Variants in NDUFA9 observed in about 807,000 individuals in gnomAD.
NDUFA9 encodes the protein NADH dehydrogenase [ubiquinone] 1 alpha subcomplex subunit 9, mitochondrial.
NDUFA9 carries 23 observed loss-of-function variants against 45.9 expected under a neutral mutation model. That is an observed-to-expected ratio of 0.50 (90% CI 0.36 to 0.71). The LOEUF (loss-of-function observed/expected upper bound fraction) is 0.71. Among genes scored for constraint, NDUFA9 ranks in the 30% least tolerant of loss-of-function variants. The pLI, the probability that NDUFA9 is intolerant of heterozygous loss-of-function variation, is 0.00. For synonymous variants in NDUFA9, 176 were observed against 170.5 expected (o/e 1.03, Z -0.25); for missense variants, 466 against 488.2 (o/e 0.95, Z 0.43).
chr12:4,652,015 C>T (rs760457386), intron 1 of NDUFA9, among the ~76,000 whole-genome samples: 2 of 152,102 alleles, frequency 1.3e-5, no homozygotes, highest in Non-Finnish European at 2.9e-5. Context: ...CTTAACATAG[C>T]GAGTTTCCTA....
chr12:4,675,011 C>T (rs1945910400), intron 8 of NDUFA9, among the ~76,000 whole-genome samples: 1 of 152,220 alleles, frequency 6.6e-6, no homozygotes, highest in Admixed American at 6.5e-5. Context: ...GATTAAGAAA[C>T]TCACTCAAAA....
chr12:4,664,443 A>G (rs1362088292), intron 6 of NDUFA9, among the ~76,000 whole-genome samples: 1 of 152,240 alleles, frequency 6.6e-6, no homozygotes, highest in African/African-American at 2.4e-5. Context: ...ATTCTTCAAG[A>G]AAAGGGAAGA....
intron 3 of NDUFA9, among the ~76,000 whole-genome samples, chr12:4,656,590 T>C (rs985531686): frequency 6.6e-6 from 1 of 152,232 alleles, no homozygotes; most frequent in Non-Finnish European, 1.5e-5. Flanking sequence ...TTTCCCCGCT[T>C]TAGTCTTTGT....
intron 1 of NDUFA9, among the ~76,000 whole-genome samples, chr12:4,650,457 G>A (rs1056306636): frequency 2.0e-5 from 3 of 152,262 alleles, no homozygotes; most frequent in Middle Eastern, 3.4e-3. Context: ...CCAGTTCTAG[G>A]TATTTTTATT....
intron 6 of NDUFA9, among the ~76,000 whole-genome samples, chr12:4,667,821 C>G (rs1208671120): frequency 7.2e-6 from 1 of 138,802 alleles, no homozygotes; most frequent in Non-Finnish European, 1.6e-5. Context: ...AATTTCTACT[C>G]TTAAATGGTT....
intron 7 of NDUFA9, 63 bp from the exon 8 acceptor site, chr12:4,669,678 C>A: frequency 9.4e-7 from 1 of 1,062,700 alleles, no homozygotes; most frequent in Non-Finnish European, 1.4e-6. Context: ...CTTTCTATCT[C>A]TCCATCTCCC....
chr12:4,686,433 T>C (rs1945987198), intron 10 of NDUFA9, among the ~76,000 whole-genome samples: 1 of 151,976 alleles, frequency 6.6e-6, no homozygotes. Flanking sequence ...TGTTTTTTTT[T>C]TTTTTTAATG....
chr12:4,658,950 C>T, intron 4 of NDUFA9, 86 bp from the exon 5 acceptor site: 1 of 1,337,798 alleles, frequency 7.5e-7, no homozygotes, highest in East Asian at 2.3e-5. Context: ...AATTTCAGTA[C>T]TGTTATGAAA....
intron 4 of NDUFA9, among the ~76,000 whole-genome samples, chr12:4,658,297 A>G (rs1475501440): frequency 1.3e-5 from 2 of 152,236 alleles, no homozygotes; most frequent in Non-Finnish European, 2.9e-5. Context: ...TTTCAATCCT[A>G]TAGTCCACAA....
chr12:4,685,223 G>C (rs751607403), intron 9 of NDUFA9, 36 bp from the exon 10 acceptor site: 15 of 1,558,084 alleles, frequency 9.6e-6, no homozygotes, highest in Admixed American at 1.7e-5. Flanking sequence ...GCAGAGAGAT[G>C]CTTATCACAT....
chr12:4,668,024 G>A (rs1337013503), intron 6 of NDUFA9, among the ~76,000 whole-genome samples: 1 of 151,834 alleles, frequency 6.6e-6, no homozygotes, highest in Non-Finnish European at 1.5e-5. Context: ...TGGGTTATCT[G>A]TGCTGTATCA....
intron 1 of NDUFA9, 59 bp downstream of exon 1, chr12:4,649,234 T>G: frequency 1.9e-6 from 3 of 1,556,076 alleles, no homozygotes; most frequent in South Asian, 1.2e-5. Flanking sequence ...GATTTAAGGT[T>G]TTGGAAGTGG....
In NDUFA9 at chr12:4,691,594, TC is replaced by T. The variant is rs374489271; in HGVS notation, c.*4488del. ...TGGAGGGCGTATTTGAAGAAACCCT[TC>T]CTGTGAAGGAAAATCCAAGAGAATG... On this transcript the variant is annotated 3_prime_UTR_variant, in exon 11 of 11. Transcript: ENST00000266544. 3.4e-4 allele frequency: 52 copies of T among 152,348 alleles called. No individual in the cohort carries two copies. Among genetic ancestry groups the T allele is most frequent in the African/African-American group, 1.2e-3 (50 of 41,566 alleles). 9.4% of individuals were successfully genotyped at this position (152,348 alleles called of 1,614,324 possible). A position where few individuals can be genotyped will look rare whatever the true frequency, so the allele number is the denominator to read the frequency against.
At chr12:4,650,377 AC>A (rs1376714292) in intron 1 of NDUFA9, among the ~76,000 whole-genome samples, 1 of 152,184 alleles carries the variant, frequency 6.6e-6, no homozygotes, top group Non-Finnish European at 1.5e-5. Flanking sequence ...TTAAACTATT[AC>A]AATTGTATGA....
At chr12:4,676,649 CACAA>C (rs1247261371) in intron 8 of NDUFA9, among the ~76,000 whole-genome samples, 7 of 151,980 alleles carry the variant, frequency 4.6e-5, no homozygotes, top group Non-Finnish European at 7.4e-5. Context: ...TAAGAGAGGA[CACAA>C]ACAAACAAAT....
intron 8 of NDUFA9, 123 bp from the exon 9 acceptor site, chr12:4,682,082 G>A: frequency 1.8e-6 from 1 of 571,010 alleles, no homozygotes; most frequent in Non-Finnish European, 3.0e-6. Flanking sequence ...TTTTCTTTGT[G>A]CTATTCTGTA....
chr12:4,684,861 T>A (rs1945975640), intron 9 of NDUFA9: 3 of 496,424 alleles, frequency 6.0e-6, no homozygotes, highest in Non-Finnish European at 1.1e-5. Flanking sequence ...GTTGTATATT[T>A]TACACACCAT....
chr12:4,670,481 A>G (rs1308696725), intron 8 of NDUFA9, among the ~76,000 whole-genome samples: 1 of 152,176 alleles, frequency 6.6e-6, no homozygotes, highest in Non-Finnish European at 1.5e-5. Flanking sequence ...AACTAGTGAC[A>G]CTTGACATCT....
At chr12:4,665,765 A>G (rs1181635148) in intron 6 of NDUFA9, among the ~76,000 whole-genome samples, 1 of 142,064 alleles carries the variant, frequency 7.0e-6, no homozygotes, top group East Asian at 2.0e-4. Context: ...TTTTTTTATA[A>G]TAGCCATCCT....
Sources: gnomAD v4.1 joint callset for allele counts (sites outside exome capture counted in the v4.1 genomes callset) on GRCh38, gnomAD v4.1.1 for gene constraint, MANE v1.5 for transcripts, NCBI Gene and HGNC (gene_info 2026-07-23, HGNC 2026-07-21) for gene names.